FGGY: variants seen among roughly 807,000 people sequenced by gnomAD.
The protein encoded by FGGY is FGGY carbohydrate kinase domain-containing protein.
In FGGY, 72 loss-of-function variants were observed where a neutral mutation model predicts 71.3. That is an observed-to-expected ratio of 1.01 (90% CI 0.84 to 1.23). The LOEUF (loss-of-function observed/expected upper bound fraction) is 1.23. Among genes scored for constraint, FGGY ranks in the 50% most tolerant of loss-of-function variants. FGGY has a pLI of 0.00. For missense variants in FGGY, 668 were observed against 682.3 expected (o/e 0.98, Z 0.23); for synonymous variants, 251 against 250.3 (o/e 1.00, Z -0.02).
chr1:59,412,498 C>T (rs901471771), intron 5 of FGGY, among the ~76,000 whole-genome samples: 5 of 152,044 alleles, frequency 3.3e-5, no homozygotes, highest in African/African-American at 1.2e-4. Context: ...CTCTCCTTCT[C>T]CCTAAGATTG....
intron 2 of FGGY, among the ~76,000 whole-genome samples, chr1:59,339,272 GGTAA>G (rs1191337191): frequency 2.0e-5 from 3 of 151,996 alleles, no homozygotes; most frequent in African/African-American, 7.2e-5. Context: ...AAGCATTTCA[GGTAA>G]GTAATAACAG....
intron 6 of FGGY, among the ~76,000 whole-genome samples, chr1:59,503,460 G>C (rs2094288329): frequency 6.6e-6 from 1 of 151,662 alleles, no homozygotes; most frequent in Non-Finnish European, 1.5e-5. Context: ...GAGAATTTGA[G>C]AACCTCTATT....
intron 7 of FGGY, among the ~76,000 whole-genome samples, chr1:59,547,686 C>T (rs1048801500): frequency 2.0e-5 from 3 of 152,102 alleles, no homozygotes; most frequent in African/African-American, 7.2e-5. Flanking sequence ...GATCTTAGAA[C>T]CTTTAGTCTT....
At chr1:59,657,430 T>C (rs915411580) in intron 11 of FGGY, among the ~76,000 whole-genome samples, 1 of 152,182 alleles carries the variant, frequency 6.6e-6, no homozygotes, top group African/African-American at 2.4e-5. Context: ...GCAGAGGTGC[T>C]GTTGAGGCCA....
At chr1:59,593,128 G>A (rs1289214108) in intron 8 of FGGY, among the ~76,000 whole-genome samples, 1 of 152,206 alleles carries the variant, frequency 6.6e-6, no homozygotes, top group African/African-American at 2.4e-5. Flanking sequence ...GGACATTTAT[G>A]TGGCCTGTGA....
intron 14 of FGGY, among the ~76,000 whole-genome samples, chr1:59,681,874 G>A (rs756175791): frequency 6.6e-6 from 1 of 152,058 alleles, no homozygotes; most frequent in African/African-American, 2.4e-5. Flanking sequence ...GGAAGGTACA[G>A]TGTCTTAAAA....
chr1:59,520,621 C>A (rs2094800038), intron 7 of FGGY, among the ~76,000 whole-genome samples: 1 of 152,104 alleles, frequency 6.6e-6, no homozygotes, highest in Non-Finnish European at 1.5e-5. Context: ...AGCTGGTCTT[C>A]ACTAAATCAA....
intron 2 of FGGY, among the ~76,000 whole-genome samples, chr1:59,335,602 G>T (rs977651260): frequency 6.6e-6 from 1 of 152,132 alleles, no homozygotes; most frequent in Non-Finnish European, 1.5e-5. Flanking sequence ...GGGTTGTGTG[G>T]TAAGATGTGG....
At chr1:59,343,149 A>AT (rs1006063281) in intron 3 of FGGY, among the ~76,000 whole-genome samples, 69 of 152,230 alleles carry the variant, frequency 4.5e-4, no homozygotes, top group African/African-American at 1.5e-3. Flanking sequence ...TAATGTTTAG[A>AT]TTTTTTTGCT....
intron 4 of FGGY, among the ~76,000 whole-genome samples, chr1:59,374,814 A>T (rs2058356916): frequency 6.6e-6 from 1 of 150,544 alleles, no homozygotes; most frequent in African/African-American, 2.4e-5. Context: ...AAGAACAAAA[A>T]ACCAAACACC....
At chr1:59,654,968 TC>T (rs547264176) in intron 11 of FGGY, among the ~76,000 whole-genome samples, 1 of 151,694 alleles carries the variant, frequency 6.6e-6, no homozygotes, top group Non-Finnish European at 1.5e-5. Flanking sequence ...CTTGCAAGAG[TC>T]CCCCCACTCT....
chr1:59,534,375 G>A (rs548077777), intron 7 of FGGY, among the ~76,000 whole-genome samples: 1,530 of 152,238 alleles, frequency 0.01, 24 homozygotes, highest in African/African-American at 0.033. Context: ...TGAAAGTGAC[G>A]GGGAGAATGG....
At chr1:59,593,396 C>T (rs753655992) in intron 8 of FGGY, among the ~76,000 whole-genome samples, 18 of 152,286 alleles carry the variant, frequency 1.2e-4, no homozygotes, top group South Asian at 4.2e-4. Context: ...CCTGCCCTTC[C>T]ACTCAGAGGT....
intron 7 of FGGY, among the ~76,000 whole-genome samples, chr1:59,523,376 A>G (rs992276446): frequency 2.6e-5 from 4 of 152,236 alleles, no homozygotes; most frequent in Non-Finnish European, 5.9e-5. Context: ...ACACATCTCT[A>G]GTTATTGCCC....
intron 2 of FGGY, among the ~76,000 whole-genome samples, chr1:59,339,007 T>C (rs2050140191): frequency 6.6e-6 from 1 of 152,224 alleles, no homozygotes; most frequent in Non-Finnish European, 1.5e-5. Context: ...AGTGGCATTG[T>C]GACGCCACAC....
intron 5 of FGGY, among the ~76,000 whole-genome samples, chr1:59,454,868 A>G (rs192828782): frequency 4.3e-4 from 65 of 152,358 alleles, no homozygotes; most frequent in Non-Finnish European, 2.2e-4. Flanking sequence ...GGATCATAGT[A>G]ACTGAATATT....
intron 6 of FGGY, among the ~76,000 whole-genome samples, chr1:59,505,892 C>T (rs1026565821): frequency 1.3e-5 from 2 of 152,066 alleles, no homozygotes; most frequent in Non-Finnish European, 2.9e-5. Flanking sequence ...GTAATAGGAG[C>T]CCCCGCCTGT....
At chr1:59,660,417 A>T in intron 12 of FGGY, 124 bp downstream of exon 12, 1 of 674,292 alleles carries the variant, frequency 1.5e-6, no homozygotes, top group Non-Finnish European at 2.4e-6. Context: ...ATTGTTTGCA[A>T]AAAAGAGATT....
At chr1:59,449,318 C>T (rs528295644) in intron 5 of FGGY, among the ~76,000 whole-genome samples, 13 of 152,284 alleles carry the variant, frequency 8.5e-5, no homozygotes, top group Admixed American at 7.8e-4. Flanking sequence ...GAGTCTTGCT[C>T]TGTCCCCCAG....
Sources: allele counts gnomAD v4.1 joint callset (sites outside exome capture counted in the v4.1 genomes callset), GRCh38; gene constraint gnomAD v4.1.1; transcripts MANE v1.5; gene names NCBI Gene and HGNC (gene_info 2026-07-23, HGNC 2026-07-21).